Variants in NRXN3 observed in about 807,000 individuals in gnomAD.
NRXN3 encodes the protein neurexin III.
A neutral mutation model predicts 137.6 loss-of-function variants in NRXN3; 32 were observed. That is an observed-to-expected ratio of 0.23 (90% confidence interval 0.18 to 0.31). The LOEUF (loss-of-function observed/expected upper bound fraction) is 0.31. Ranked by LOEUF, NRXN3 falls within the 10% of genes least tolerant of loss-of-function variation. The pLI is 1.00. For missense variants in NRXN3, 1,574 were observed against 2,062.5 expected, an observed-to-expected ratio of 0.76 and a Z score of 4.59; for synonymous variants, 798 against 784.5, an observed-to-expected ratio of 1.02 and a Z score of -0.29.
intron 4 of NRXN3, among the ~76,000 whole-genome samples, chr14:78,361,821 C>G (rs943234447): frequency 6.6e-6 from 1 of 152,140 alleles, no homozygotes; most frequent in African/African-American, 2.4e-5. Context: ...CTTTATTTGT[C>G]AAGCTATTAG....
chr14:78,803,848 A>C (rs899082656), intron 9 of NRXN3, 25 bp downstream of exon 9: 18 of 1,595,428 alleles, frequency 1.1e-5, no homozygotes, highest in Non-Finnish European at 1.5e-5. Flanking sequence ...ACCCTCTGCC[A>C]CTTCGTTTGG....
chr14:79,537,390 A>T (rs1361506905), intron 16 of NRXN3, among the ~76,000 whole-genome samples: 1 of 151,968 alleles, frequency 6.6e-6, no homozygotes, highest in East Asian at 1.9e-4. Context: ...TGCTGCACCC[A>T]TTAACTTGTC....
intron 15 of NRXN3, among the ~76,000 whole-genome samples, chr14:79,028,637 A>C (rs1156358414): frequency 6.6e-6 from 1 of 152,166 alleles, no homozygotes; most frequent in East Asian, 1.9e-4. Context: ...GGGAAATGAC[A>C]GATGAGAGAG....
intron 15 of NRXN3, among the ~76,000 whole-genome samples, chr14:79,457,099 T>C (rs2096268251): frequency 6.6e-6 from 1 of 152,022 alleles, no homozygotes. Flanking sequence ...CTTGGGTTAA[T>C]TGATTACACC....
At chr14:79,730,791 G>GTAAGT (rs2098919296) in intron 19 of NRXN3, among the ~76,000 whole-genome samples, 1 of 152,002 alleles carries the variant, frequency 6.6e-6, no homozygotes, top group South Asian at 2.1e-4. Flanking sequence ...AAAACTTACT[G>GTAAGT]TAAGTTTTTC....
chr14:79,721,298 A>G (rs17174702), intron 19 of NRXN3, among the ~76,000 whole-genome samples: 10,596 of 152,176 alleles, frequency 0.07, 475 homozygotes, highest in South Asian at 0.23. Context: ...CTCCTTCGAT[A>G]TCATTATGCT....
At chr14:78,260,445 A>C (rs2070498294) in intron 2 of NRXN3, among the ~76,000 whole-genome samples, 1 of 152,210 alleles carries the variant, frequency 6.6e-6, no homozygotes, top group Non-Finnish European at 1.5e-5. Context: ...TTTAGTGCCC[A>C]GCTCTAATCA....
chr14:78,792,559 T>C (rs1269753010), intron 8 of NRXN3, among the ~76,000 whole-genome samples: 1 of 152,138 alleles, frequency 6.6e-6, no homozygotes, highest in Non-Finnish European at 1.5e-5. Context: ...TTTCTTAATA[T>C]AAAGAACTGA....
intron 19 of NRXN3, among the ~76,000 whole-genome samples, chr14:79,775,848 T>C (rs1196635433): frequency 3.3e-5 from 5 of 152,194 alleles, no homozygotes; most frequent in Non-Finnish European, 7.3e-5. Flanking sequence ...TAGGTGCAGA[T>C]TAAATTGTTT....
rs1468417187 is a variant in NRXN3, at chr14:79,866,745, T to C, written c.*4781T>C. The C allele has an allele frequency of 6.6e-6, 1 of 152,204 alleles. No homozygotes were observed. Among genetic ancestry groups the C allele is most frequent in the Non-Finnish European group, 1.5e-5 (1 of 68,036 alleles). 9.4% of individuals were successfully genotyped at this position (152,204 alleles called of 1,614,324 possible). On this transcript the variant is annotated 3_prime_UTR_variant, in exon 21 of 21. Coordinates refer to ENST00000335750, the MANE Select transcript of NRXN3 (RefSeq NM_001330195.2). Reference sequence around the variant, plus strand: ...ACTCTTATGGAGCAACCGAGTTTCCTGATAGAGATGTTTATCTGGGGGAAA... The same window carrying C: ...ACTCTTATGGAGCAACCGAGTTTCCCGATAGAGATGTTTATCTGGGGGAAA...
intron 4 of NRXN3, 109 bp from the exon 5 acceptor site, chr14:78,645,011 C>A: frequency 1.1e-6 from 1 of 928,392 alleles, no homozygotes; most frequent in Non-Finnish European, 1.6e-6. Flanking sequence ...GTGTTGGTAT[C>A]AGCACAAGAA....
chr14:79,051,544 G>A (rs1408633127), intron 15 of NRXN3, among the ~76,000 whole-genome samples: 1 of 152,164 alleles, frequency 6.6e-6, no homozygotes, highest in Non-Finnish European at 1.5e-5. Context: ...AACAGAGTCG[G>A]CACTAAAGAA....
intron 6 of NRXN3, among the ~76,000 whole-genome samples, chr14:78,697,613 A>G (rs952167242): frequency 6.6e-6 from 1 of 152,004 alleles, no homozygotes; most frequent in African/African-American, 2.4e-5. Flanking sequence ...ACTCATAGGT[A>G]AAAGTATTAG....
Position 79,861,945 on chromosome 14 carries a change from A to G in NRXN3, c.4697A>G (p.Asp1566Gly), listed in dbSNP as rs1378701599. The change falls in exon 21 of 21, where the codon GAC becomes GGC. Residue 1566 changes from aspartate (D) to glycine (G), a missense_variant. This residue lies in a region of NRXN3 where 320 missense variants were observed against 387.1 expected (regional missense o/e 0.83). Transcript: ENST00000335750. This position sits in a 1 kb window ranked among gnomAD's most constrained non-coding sequence, Gnocchi z 5.4. ...KSGHKKQKNKDREYYV is the reference protein window; with the variant it reads ...KSGHKKQKNKGREYYV The stretch of plus-strand genomic sequence containing the variant: ...GGCCACAAGAAACAGAAAAACAAGG[A>G]CAGGGAGTATTACGTGTAAACATGC... 3 of 1,613,056 alleles carry G rather than the reference A, an allele frequency of 1.9e-6. No homozygotes were observed. Among genetic ancestry groups the G allele is most frequent in the African/African-American group, 2.7e-5 (2 of 74,844 alleles).
chr14:79,083,648 G>A (rs2047504139), intron 15 of NRXN3, among the ~76,000 whole-genome samples: 1 of 152,202 alleles, frequency 6.6e-6, no homozygotes, highest in African/African-American at 2.4e-5. Flanking sequence ...GTAAAAAATA[G>A]GATAATGTGA....
chr14:78,645,269 G>C lies in NRXN3; in HGVS notation c.907G>C (p.Ala303Pro). Residue 303 changes from alanine (A) to proline (P), a missense_variant, in exon 5 of 21, where the codon GCT becomes CCT. Transcript: ENST00000335750. Reference protein sequence around the residue: ...NGLILHTGKSADYVNLALKDG... With the variant: ...NGLILHTGKSPDYVNLALKDG... ...CCTCATCCTGCACACGGGCAAGTCG[G>C]CTGACTATGTCAACCTGGCTCTGAA... The C allele has an allele frequency of 6.3e-7, 1 of 1,598,860 alleles. No homozygotes were observed. Among genetic ancestry groups the C allele is most frequent in the Non-Finnish European group, 8.5e-7 (1 of 1,179,784 alleles).
intron 10 of NRXN3, among the ~76,000 whole-genome samples, chr14:78,928,033 C>T (rs917246261): frequency 1.3e-5 from 2 of 152,188 alleles, no homozygotes; most frequent in Admixed American, 6.5e-5. Context: ...AGATGATTCT[C>T]AGACATATTC....
intron 10 of NRXN3, among the ~76,000 whole-genome samples, chr14:78,887,586 A>G (rs1013450107): frequency 8.5e-5 from 13 of 152,068 alleles, no homozygotes; most frequent in African/African-American, 2.9e-4. Flanking sequence ...TGCTATAGAC[A>G]TTCCAGGGAC....
At chr14:78,797,423 C>T (rs753665599) in intron 8 of NRXN3, among the ~76,000 whole-genome samples, 2 of 151,722 alleles carry the variant, frequency 1.3e-5, no homozygotes, top group Non-Finnish European at 2.9e-5. Context: ...ACTTAATAGA[C>T]AAAGAATACA....
Sources: allele counts gnomAD v4.1 joint callset (sites outside exome capture counted in the v4.1 genomes callset), GRCh38; gene constraint gnomAD v4.1.1; regional missense constraint gnomAD v4.1.1; non-coding constraint Gnocchi (gnomAD v3.1); transcripts MANE v1.5; gene names NCBI Gene and HGNC (gene_info 2026-07-23, HGNC 2026-07-21).